SLC4A4: variants seen among roughly 807,000 people sequenced by gnomAD.
SLC4A4 encodes solute carrier family 4 member 4.
SLC4A4 carries 27 observed loss-of-function variants against 111.5 expected under a neutral mutation model. The observed-to-expected ratio is 0.24, with a 90% CI of 0.18 to 0.33. The LOEUF (loss-of-function observed/expected upper bound fraction) is 0.33, where lower values mean the gene tolerates loss of function less well. Ranked by LOEUF, SLC4A4 falls within the 10% of genes least tolerant of loss-of-function variation. The pLI is 1.00. For synonymous variants in SLC4A4, 443 were observed against 463.4 expected (o/e 0.96, Z 0.57); for missense variants, 909 against 1,315.5 (o/e 0.69, Z 4.78).
intron 6 of SLC4A4, among the ~76,000 whole-genome samples, chr4:71,382,376 T>A (rs1275104954): frequency 6.6e-6 from 1 of 152,298 alleles, no homozygotes; most frequent in East Asian, 1.9e-4. Flanking sequence ...ATGAACATTC[T>A]AAGCTAAGCC....
At chr4:71,516,922 C>A (rs959326743) in intron 16 of SLC4A4, among the ~76,000 whole-genome samples, 1 of 152,076 alleles carries the variant, frequency 6.6e-6, no homozygotes, top group Non-Finnish European at 1.5e-5. Context: ...TATATCATCC[C>A]AGTCTCTCCT....
At chr4:71,230,872 A>T (rs887877712) in intron 1 of SLC4A4, among the ~76,000 whole-genome samples, 1 of 152,202 alleles carries the variant, frequency 6.6e-6, no homozygotes, top group African/African-American at 2.4e-5. Context: ...TGAGCTCAGT[A>T]CCGCAGTCGC....
intron 7 of SLC4A4, among the ~76,000 whole-genome samples, chr4:71,412,847 G>T (rs74368642): frequency 0.025 from 3,798 of 152,298 alleles, 156 homozygotes; most frequent in East Asian, 0.14. Flanking sequence ...TGTTCACTGG[G>T]TGGGGTATTA....
At chr4:71,092,033 G>C (rs1398474629) in intron 1 of SLC4A4, among the ~76,000 whole-genome samples, 1 of 152,124 alleles carries the variant, frequency 6.6e-6, no homozygotes, top group African/African-American at 2.4e-5. Context: ...TTTATCCTTT[G>C]TGGTATCAAG....
At chr4:71,543,843 C>CT (rs1224297207) in intron 18 of SLC4A4, among the ~76,000 whole-genome samples, 1 of 151,940 alleles carries the variant, frequency 6.6e-6, no homozygotes, top group Admixed American at 6.6e-5. Context: ...TGTTTTTCTC[C>CT]TTTTTTACCT....
intron 3 of SLC4A4, among the ~76,000 whole-genome samples, chr4:71,258,618 T>C (rs1721628105): frequency 6.6e-6 from 1 of 152,252 alleles, no homozygotes; most frequent in Non-Finnish European, 1.5e-5. Context: ...GAGAAAGACG[T>C]AAGCATTGCT....
intron 14 of SLC4A4, among the ~76,000 whole-genome samples, chr4:71,484,632 T>G (rs1042379156): frequency 2.7e-5 from 4 of 150,676 alleles, no homozygotes; most frequent in Non-Finnish European, 4.5e-5. Context: ...TTTTGGCTAT[T>G]TGGGCTCTTT....
intron 2 of SLC4A4, among the ~76,000 whole-genome samples, chr4:71,144,911 C>A (rs1422937519): frequency 6.6e-6 from 1 of 152,082 alleles, no homozygotes; most frequent in Non-Finnish European, 1.5e-5. Flanking sequence ...AATTTGACTT[C>A]CTCTTTTCCT....
chr4:71,502,134 T>A (rs1300821885), intron 16 of SLC4A4, among the ~76,000 whole-genome samples: 2 of 152,182 alleles, frequency 1.3e-5, no homozygotes, highest in Non-Finnish European at 2.9e-5. Flanking sequence ...CTAATTTTTG[T>A]ATTTTTTGTG....
intron 8 of SLC4A4, among the ~76,000 whole-genome samples, chr4:71,445,358 A>T (rs1050858856): frequency 1.3e-5 from 2 of 152,280 alleles, no homozygotes; most frequent in South Asian, 4.1e-4. Context: ...CTTTGTTGCT[A>T]TATAGTCAAC....
intron 6 of SLC4A4, among the ~76,000 whole-genome samples, chr4:71,361,104 C>T (rs1662934969): frequency 6.6e-6 from 1 of 152,184 alleles, no homozygotes; most frequent in Non-Finnish European, 1.5e-5. Flanking sequence ...TCCCAGTGCA[C>T]AGGCCGGTCA....
chr4:71,501,995 T>C (rs1730979426), intron 16 of SLC4A4, among the ~76,000 whole-genome samples: 2 of 152,076 alleles, frequency 1.3e-5, no homozygotes, highest in Non-Finnish European at 2.9e-5. Flanking sequence ...GGAGTCTTGC[T>C]CTGTTGCCCA....
intron 1 of SLC4A4, among the ~76,000 whole-genome samples, chr4:71,088,801 T>A (rs534674075): frequency 1.3e-5 from 2 of 152,226 alleles, no homozygotes; most frequent in Non-Finnish European, 1.5e-5. Flanking sequence ...CTTTCCTTTG[T>A]GGGTAACCCG....
chr4:71,123,624 T>C (rs923096274), intron 2 of SLC4A4, among the ~76,000 whole-genome samples: 5 of 152,198 alleles, frequency 3.3e-5, no homozygotes, highest in African/African-American at 1.2e-4. Context: ...GTAAAATAAG[T>C]AAATGTAAAA....
At chr4:71,299,764 G>A (rs543395168) in intron 3 of SLC4A4, among the ~76,000 whole-genome samples, 1 of 152,304 alleles carries the variant, frequency 6.6e-6, no homozygotes, top group South Asian at 2.1e-4. Flanking sequence ...GTGGCAGTTG[G>A]TCCTTCCTGC....
chr4:71,481,778 A>C (rs545911029), intron 14 of SLC4A4, among the ~76,000 whole-genome samples: 1 of 151,798 alleles, frequency 6.6e-6, no homozygotes, highest in Non-Finnish European at 1.5e-5. Context: ...CCAGAAAATC[A>C]GCTAAAATCT....
chr4:71,450,365 A>T (rs1386327578), intron 9 of SLC4A4, 24 bp from the exon 10 acceptor site: 2 of 1,572,710 alleles, frequency 1.3e-6, no homozygotes, highest in Non-Finnish European at 1.8e-6. Context: ...TTTTTGGATG[A>T]GCACATCTTT....
At chr4:71,371,584 G>A (rs1731889886) in intron 6 of SLC4A4, among the ~76,000 whole-genome samples, 1 of 152,042 alleles carries the variant, frequency 6.6e-6, no homozygotes. Context: ...AAACTATTCA[G>A]TAGGACCTGA....
intron 1 of SLC4A4, among the ~76,000 whole-genome samples, chr4:71,187,713 G>A (rs1745546375): frequency 6.6e-6 from 1 of 152,206 alleles, no homozygotes; most frequent in African/African-American, 2.4e-5. Flanking sequence ...GGACTGCGGG[G>A]CCAGTTCTGC....
Sources: gnomAD v4.1 joint callset for allele counts (sites outside exome capture counted in the v4.1 genomes callset) on GRCh38, gnomAD v4.1.1 for gene constraint, MANE v1.5 for transcripts, NCBI Gene and HGNC (gene_info 2026-07-23, HGNC 2026-07-21) for gene names.